ARHGAP22: variants seen among roughly 807,000 people sequenced by gnomAD.
ARHGAP22 encodes Rho GTPase activating protein 22.
ARHGAP22 carries 48 observed loss-of-function variants against 59.1 expected under a neutral mutation model. The ratio of observed to expected loss-of-function variants is 0.81; its 90% CI spans 0.64 to 1.03. The LOEUF is 1.03. Ranked by LOEUF, ARHGAP22 falls within the 50% of genes least tolerant of loss-of-function variation. ARHGAP22 has a pLI of 0.00. For missense variants in ARHGAP22, 1,015 were observed against 958.7 expected (o/e 1.06, Z -0.78); for synonymous variants, 445 against 416.4 (o/e 1.07, Z -0.84).
chr10:48,489,088 TTTC>T (rs1359822580), intron 3 of ARHGAP22, among the ~76,000 whole-genome samples: 3 of 152,224 alleles, frequency 2.0e-5, no homozygotes, highest in Non-Finnish European at 2.9e-5. Flanking sequence ...ATTTTGTGCT[TTTC>T]TTTTTTCTTT....
At chr10:48,503,144 C>A (rs185142261) in intron 3 of ARHGAP22, among the ~76,000 whole-genome samples, 102 of 152,252 alleles carry the variant, frequency 6.7e-4, no homozygotes, top group African/African-American at 2.3e-3. Flanking sequence ...GGTGCCATCA[C>A]CAATGTAAAA....
At chr10:48,486,453 G>C (rs112557125) in intron 3 of ARHGAP22, among the ~76,000 whole-genome samples, 1 of 151,814 alleles carries the variant, frequency 6.6e-6, no homozygotes, top group Non-Finnish European at 1.5e-5. Context: ...CAATTCTCCC[G>C]TCTCAGCCTC....
chr10:48,481,086 A>C (rs1208254856), intron 3 of ARHGAP22, among the ~76,000 whole-genome samples: 3 of 152,210 alleles, frequency 2.0e-5, no homozygotes, highest in East Asian at 3.9e-4. Context: ...TACGCAGATA[A>C]GCCCTGCTCG....
rs573513377 is a variant in ARHGAP22 at position 48,548,229 on chromosome 10, A to G, written c.322+7234T>C. 2.6e-5 allele frequency among the ~76,000 whole-genome samples: 4 copies of G among 152,144 alleles called. No homozygotes were observed. In the South Asian group the frequency reaches 8.3e-4, roughly 32 times the overall value. On this transcript the variant is annotated intron_variant, in intron 3 of 9. Coordinates refer to ENST00000249601, the MANE Select transcript of ARHGAP22 (RefSeq NM_021226.4). ...AGCCCAGCCGCTTGCCCCTTCCACA[A>G]GTGTCACTCCCATCACATCCTACCC...
chr10:48,435,234 ATTG>A, the ARHGAP22 span: 4 of 448,752 alleles, frequency 8.9e-6, no homozygotes, highest in Non-Finnish European at 1.6e-5. Context: ...ACAAAACTGT[ATTG>A]TATTTTTTTT....
intron 2 of ARHGAP22, among the ~76,000 whole-genome samples, chr10:48,557,053 G>C (rs957652305): frequency 6.6e-6 from 1 of 152,308 alleles, no homozygotes; most frequent in African/African-American, 2.4e-5. Context: ...GTCCTTACCC[G>C]CAGATGCTTG....
chr10:48,550,836 T>G (rs1351382836), intron 3 of ARHGAP22, among the ~76,000 whole-genome samples: 1 of 152,256 alleles, frequency 6.6e-6, no homozygotes, highest in East Asian at 1.9e-4. Flanking sequence ...TATCACTTCC[T>G]ACCTTCCCTT....
chr10:48,511,293 T>G (rs1252613441), intron 3 of ARHGAP22, among the ~76,000 whole-genome samples: 1 of 152,248 alleles, frequency 6.6e-6, no homozygotes, highest in Non-Finnish European at 1.5e-5. Context: ...CCAGCCAGCA[T>G]GAGACTGCGG....
chr10:48,442,642 C>G (rs1279164652), downstream of ARHGAP22, among the ~76,000 whole-genome samples: 1 of 152,166 alleles, frequency 6.6e-6, no homozygotes, highest in Non-Finnish European at 1.5e-5. Flanking sequence ...ACCACCAGGC[C>G]TGGGCCCAGA....
chr10:48,476,634 G>A (rs775111029), intron 4 of ARHGAP22, among the ~76,000 whole-genome samples: 17 of 152,188 alleles, frequency 1.1e-4, no homozygotes, highest in South Asian at 2.1e-4. Context: ...GGAGATAAGC[G>A]CCTTTGATGG....
chr10:48,523,917 A>C, intron 3 of ARHGAP22: 1 of 599,776 alleles, frequency 1.7e-6, no homozygotes, highest in Non-Finnish European at 2.4e-6. Context: ...GAGGAGCAGC[A>C]GCCGCACCTG....
chr10:48,581,981 T>C (rs2059148357), intron 2 of ARHGAP22, among the ~76,000 whole-genome samples: 1 of 152,186 alleles, frequency 6.6e-6, no homozygotes, highest in African/African-American at 2.4e-5. Flanking sequence ...GTTTGAGAAG[T>C]GTCAAAGGTA....
intron 1 of ARHGAP22, among the ~76,000 whole-genome samples, chr10:48,631,948 G>C (rs1480308040): frequency 6.6e-6 from 1 of 152,058 alleles, no homozygotes; most frequent in Non-Finnish European, 1.5e-5. Context: ...TCTTTATTTA[G>C]TCTCACTTTT....
upstream of ARHGAP22, among the ~76,000 whole-genome samples, chr10:48,609,038 T>C (rs1310439181): frequency 6.6e-6 from 1 of 152,214 alleles, no homozygotes; most frequent in Non-Finnish European, 1.5e-5. Flanking sequence ...TGAAATTGAA[T>C]GTTGTGGGAG....
intron 1 of ARHGAP22, among the ~76,000 whole-genome samples, chr10:48,591,414 T>G (rs2059745834): frequency 6.6e-6 from 1 of 152,108 alleles, no homozygotes; most frequent in African/African-American, 2.4e-5. Flanking sequence ...ATCCTTCATT[T>G]CTCAGAATTG....
At chr10:48,455,199 T>C (rs1362712965) in intron 5 of ARHGAP22, 65 bp from the exon 6 acceptor site, 1 of 1,500,808 alleles carries the variant, frequency 6.7e-7, no homozygotes, top group Non-Finnish European at 9.0e-7. Context: ...GGGTGACTGG[T>C]ACGCCCTGAC....
At chr10:48,452,590 T>G (rs2046086571) in intron 8 of ARHGAP22, among the ~76,000 whole-genome samples, 2 of 152,248 alleles carry the variant, frequency 1.3e-5, no homozygotes. Flanking sequence ...GCTTCCTGTC[T>G]GAGCAGCACG....
At chr10:48,532,876 G>A (rs1268573329) in intron 3 of ARHGAP22, 1 of 152,150 alleles carries the variant, frequency 6.6e-6, no homozygotes, top group Non-Finnish European at 1.5e-5. Context: ...GCAATCTCTT[G>A]AGGGCCTACT....
chr10:48,595,955 C>G (rs1371638433), intron 1 of ARHGAP22, among the ~76,000 whole-genome samples: 1 of 152,202 alleles, frequency 6.6e-6, no homozygotes, highest in Non-Finnish European at 1.5e-5. Context: ...AGGTGCACAG[C>G]CTATCCATTC....
Sources: allele counts gnomAD v4.1 joint callset (sites outside exome capture counted in the v4.1 genomes callset), GRCh38; gene constraint gnomAD v4.1.1; transcripts MANE v1.5; gene names NCBI Gene and HGNC (gene_info 2026-07-23, HGNC 2026-07-21).